Variants in GALNTL6 observed in about 807,000 individuals in gnomAD.
GALNTL6 encodes the protein polypeptide N-acetylgalactosaminyltransferase-like 6.
A neutral mutation model predicts 73.7 loss-of-function variants in GALNTL6; 46 were observed. The observed-to-expected ratio is 0.62, with a 90% CI of 0.49 to 0.80. The LOEUF (loss-of-function observed/expected upper bound fraction) is 0.80. Ranked by LOEUF, GALNTL6 falls within the 30% of genes least tolerant of loss-of-function variation. GALNTL6 has a pLI of 0.00. For synonymous variants in GALNTL6, 259 were observed against 263.7 expected (o/e 0.98, Z 0.17); for missense variants, 604 against 755.0 (o/e 0.80, Z 2.34).
chr4:172,802,468 AG>A (rs1740704641), intron 5 of GALNTL6, among the ~76,000 whole-genome samples: 1 of 152,160 alleles, frequency 6.6e-6, no homozygotes, highest in Non-Finnish European at 1.5e-5. Context: ...GAGAGTCTAA[AG>A]GAACTCTTCA....
chr4:172,760,297 G>GT (rs909791433), intron 5 of GALNTL6, among the ~76,000 whole-genome samples: 4 of 152,136 alleles, frequency 2.6e-5, no homozygotes, highest in African/African-American at 9.7e-5. Flanking sequence ...GGATCACCCT[G>GT]TTATGTACAG....
At chr4:172,107,722 T>C (rs575433664) in intron 2 of GALNTL6, among the ~76,000 whole-genome samples, 4 of 150,994 alleles carry the variant, frequency 2.6e-5, no homozygotes, top group African/African-American at 9.7e-5. Context: ...ATATACCTAA[T>C]GTTAAATGAC....
chr4:172,633,026 T>A (rs1415301821), intron 5 of GALNTL6, among the ~76,000 whole-genome samples: 1 of 152,090 alleles, frequency 6.6e-6, no homozygotes, highest in Admixed American at 6.5e-5. Context: ...ATAGGATGCG[T>A]GGAAATGCCT....
intron 2 of GALNTL6, among the ~76,000 whole-genome samples, chr4:171,887,853 T>TCAAA (rs200890298): frequency 2.0e-5 from 3 of 152,156 alleles, no homozygotes; most frequent in Non-Finnish European, 4.4e-5. Flanking sequence ...TTTCTCATTG[T>TCAAA]CAAACAAACA....
chr4:172,953,496 C>T (rs868702694), intron 10 of GALNTL6, among the ~76,000 whole-genome samples: 1 of 152,142 alleles, frequency 6.6e-6, no homozygotes, highest in African/African-American at 2.4e-5. Flanking sequence ...AAGAAGATGC[C>T]ATTGCCTAGA....
rs1736128207 is a variant in GALNTL6, at chr4:171,871,247, A to G, written c.138+56529A>G. Reference sequence around the variant, plus strand: ...ATGTTTTTCCTATACATACCTGCCTAGAATAAAGTTCAATGTATTAAAAAA... The same window carrying G: ...ATGTTTTTCCTATACATACCTGCCTGGAATAAAGTTCAATGTATTAAAAAA... On this transcript the variant is annotated intron_variant, in intron 2 of 12. Coordinates refer to ENST00000506823, the MANE Select transcript of GALNTL6 (RefSeq NM_001034845.3). Among the ~76,000 whole-genome samples the G allele has an allele frequency of 2.7e-5, 4 of 146,798 alleles. No individual in the cohort carries two copies. The South Asian group carries it at 8.9e-4, about 32-fold the overall frequency.
At chr4:172,678,231 C>T (rs916141729) in intron 5 of GALNTL6, among the ~76,000 whole-genome samples, 2 of 152,172 alleles carry the variant, frequency 1.3e-5, no homozygotes, top group African/African-American at 4.8e-5. Flanking sequence ...GTTAGAAGAT[C>T]TCAAATAGCC....
At chr4:172,870,387 C>T (rs573659189) in intron 7 of GALNTL6, among the ~76,000 whole-genome samples, 1 of 152,200 alleles carries the variant, frequency 6.6e-6, no homozygotes, top group African/African-American at 2.4e-5. Context: ...TCTATATTGT[C>T]CTTTTACTGC....
chr4:172,423,869 C>A (rs35769114), intron 5 of GALNTL6, among the ~76,000 whole-genome samples: 2,917 of 152,036 alleles, frequency 0.019, 88 homozygotes, highest in African/African-American at 0.066. Context: ...CTGTCTCTTA[C>A]AATTATAAAA....
intron 5 of GALNTL6, among the ~76,000 whole-genome samples, chr4:172,769,992 G>T (rs1051359512): frequency 6.6e-6 from 1 of 152,054 alleles, no homozygotes; most frequent in African/African-American, 2.4e-5. Flanking sequence ...AGCTGGGCGC[G>T]GTGGCTCACA....
intron 3 of GALNTL6, among the ~76,000 whole-genome samples, chr4:172,291,422 A>G (rs1739466433): frequency 6.6e-6 from 1 of 152,082 alleles, no homozygotes; most frequent in Non-Finnish European, 1.5e-5. Flanking sequence ...TCACATCAAT[A>G]TTTTGTTTAT....
At chr4:172,087,146 T>C (rs984840655) in intron 2 of GALNTL6, among the ~76,000 whole-genome samples, 31 of 152,242 alleles carry the variant, frequency 2.0e-4, no homozygotes, top group African/African-American at 7.0e-4. Context: ...GTGATACTCA[T>C]ACAACATAGA....
rs565302896 is a variant in GALNTL6, at chr4:172,983,161, A to G, written c.1372-26017A>G. On this transcript the variant is annotated intron_variant, in intron 10 of 12. Transcript: ENST00000506823. ...TTTTTTTAAAAAAAGAGTCCTTGCA[A>G]GAGACATTCAGGGAAGGCAGAGATT... Among the ~76,000 whole-genome samples, 39 of 152,328 alleles carry G rather than the reference A, an allele frequency of 2.6e-4. 3 individuals are homozygous for G. The South Asian group carries it at 8.1e-3, about 32-fold the overall frequency.
chr4:172,578,412 A>G (rs1008742768), intron 5 of GALNTL6, among the ~76,000 whole-genome samples: 1 of 152,226 alleles, frequency 6.6e-6, no homozygotes, highest in Non-Finnish European at 1.5e-5. Flanking sequence ...ACATGGTTAA[A>G]TGCTGATATG....
intron 2 of GALNTL6, among the ~76,000 whole-genome samples, chr4:171,887,834 A>C (rs1440178444): frequency 6.6e-6 from 1 of 152,112 alleles, no homozygotes; most frequent in Non-Finnish European, 1.5e-5. Flanking sequence ...TCTTCCTCCC[A>C]CTAGGGTTTT....
intron 3 of GALNTL6, among the ~76,000 whole-genome samples, chr4:172,304,760 C>T (rs1740067533): frequency 6.6e-6 from 1 of 152,024 alleles, no homozygotes; most frequent in Non-Finnish European, 1.5e-5. Context: ...TATTATGTTC[C>T]AAACAGGATT....
chr4:172,458,224 T>C (rs1732473619), intron 5 of GALNTL6, among the ~76,000 whole-genome samples: 1 of 151,798 alleles, frequency 6.6e-6, no homozygotes, highest in Non-Finnish European at 1.5e-5. Flanking sequence ...TAAAGCAGTG[T>C]GTAGAAGGAA....
At position 172,233,205 on chromosome 4, in the gene GALNTL6, C is replaced by CAA. The variant is rs35723958; in HGVS notation, c.247+3459_247+3460dup. On this transcript the variant is annotated intron_variant, in intron 3 of 12. Transcript: ENST00000506823. ...GAAACATAGCGAGACCTCATCTCTC[C>CAA]AAAAAAAAAAAAAAAAAAATTCATC... Among the ~76,000 whole-genome samples, 255 of 104,646 alleles carry CAA rather than the reference C, an allele frequency of 2.4e-3. 4 individuals carry two copies. The highest frequency in any genetic ancestry group is 3.3e-3 in the Admixed American group (32 of 9,770). 68.7% of individuals were successfully genotyped at this position (104,646 alleles called of 152,430 possible). A position where few individuals can be genotyped will look rare whatever the true frequency, so the allele number is the denominator to read the frequency against.
intron 5 of GALNTL6, among the ~76,000 whole-genome samples, chr4:172,523,294 CT>C (rs1734846391): frequency 6.6e-6 from 1 of 152,198 alleles, no homozygotes; most frequent in Non-Finnish European, 1.5e-5. Flanking sequence ...ACCACTCTGT[CT>C]TTCCCCAGGC....
Sources: gnomAD v4.1 joint callset for allele counts (sites outside exome capture counted in the v4.1 genomes callset) on GRCh38, gnomAD v4.1.1 for gene constraint, MANE v1.5 for transcripts, NCBI Gene and HGNC (gene_info 2026-07-23, HGNC 2026-07-21) for gene names.